Variants in NF2 observed in about 807,000 individuals in gnomAD.
NF2 encodes NF2, moesin-ezrin-radixin like (MERLIN) tumor suppressor, also known as merlin.
In NF2, 8 loss-of-function variants were observed where a neutral mutation model predicts 83.7. That is an observed-to-expected ratio of 0.10 (90% CI 0.06 to 0.17). The LOEUF (loss-of-function observed/expected upper bound fraction) is 0.17. Ranked by LOEUF, NF2 falls within the 10% of genes least tolerant of loss-of-function variation. NF2 has a pLI of 1.00. For missense variants in NF2, 533 were observed against 744.4 expected (o/e 0.72, Z 3.31); for synonymous variants, 266 against 269.6 (o/e 0.99, Z 0.13).
At chr22:29,633,506 G>T (rs1210294585) in intron 1 of NF2, among the ~76,000 whole-genome samples, 1 of 152,000 alleles carries the variant, frequency 6.6e-6, no homozygotes, top group Admixed American at 6.6e-5. Context: ...CTACTTTCTG[G>T]CCTTCTTGAT....
intron 4 of NF2, among the ~76,000 whole-genome samples, chr22:29,643,564 C>G (rs2065875508): frequency 6.6e-6 from 1 of 152,158 alleles, no homozygotes; most frequent in Admixed American, 6.5e-5. Context: ...CCATTTAACC[C>G]TGAGTGGACA....
rs2065731231 is a variant in NF2, at chr22:29,639,162, G to A, written c.313G>A (p.Ala105Thr). The change falls in exon 3 of 16, where the codon GCT becomes ACT. Residue 105 changes from alanine to threonine, a missense_variant. This residue lies in a region of NF2 where 326 missense variants were observed against 475.1 expected (regional missense o/e 0.69). Transcript: ENST00000338641. ...HFLAKFYPEN[A>T]EEELVQEITQ... The stretch of plus-strand genomic sequence containing the variant: ...CTTGGCCAAATTTTATCCTGAGAAT[G>A]CTGAAGAGGAGCTGGTTCAGGAGAT... The A allele has an allele frequency of 6.2e-7, 1 of 1,614,170 alleles. No individual in the cohort carries two copies. The highest frequency in any genetic ancestry group is 8.5e-7 in the Non-Finnish European group (1 of 1,180,010).
In NF2 at chr22:29,698,465, T is replaced by C. The variant is rs868448036; in HGVS notation, c.*3663T>C. ...GGGAAGCGCCATCCATTTTCAAAGA[T>C]GTCAAACGTCACTTCTTCCTGTAGG... On this transcript the variant is annotated 3_prime_UTR_variant, in exon 16 of 16. Transcript: ENST00000338641. 8.8e-5 allele frequency: 19 copies of C among 215,492 alleles called. No homozygotes were observed. Among genetic ancestry groups the C allele is most frequent in the African/African-American group, 3.8e-4 (17 of 44,366 alleles). 13.3% of individuals were successfully genotyped at this position (215,492 alleles called of 1,614,324 possible). A position where few individuals can be genotyped will look rare whatever the true frequency, so the allele number is the denominator to read the frequency against.
intron 1 of NF2, among the ~76,000 whole-genome samples, chr22:29,625,798 C>A (rs985972815): frequency 6.6e-6 from 1 of 152,192 alleles, no homozygotes; most frequent in African/African-American, 2.4e-5. Context: ...TTAAAGACAG[C>A]CTTTTCTCTT....
chr22:29,659,645 G>T (rs555018846), intron 7 of NF2, among the ~76,000 whole-genome samples: 26 of 152,240 alleles, frequency 1.7e-4, no homozygotes, highest in Non-Finnish European at 3.2e-4. Context: ...AGTTTAAAAG[G>T]GGCTGCTTGA....
chr22:29,629,940 A>C (rs528343392), intron 1 of NF2, among the ~76,000 whole-genome samples: 2 of 152,358 alleles, frequency 1.3e-5, no homozygotes, highest in South Asian at 4.1e-4. Flanking sequence ...AGCCAAATTC[A>C]GTTCACTTTC....
chr22:29,644,723 G>T (rs1264161065), intron 4 of NF2, among the ~76,000 whole-genome samples: 2 of 152,126 alleles, frequency 1.3e-5, no homozygotes, highest in South Asian at 4.1e-4. Flanking sequence ...GCTGGAGACC[G>T]GCCCGGCCAA....
intron 4 of NF2, among the ~76,000 whole-genome samples, chr22:29,652,958 T>C (rs1282621570): frequency 1.3e-5 from 2 of 152,200 alleles, no homozygotes; most frequent in East Asian, 1.9e-4. Context: ...TCTTCCACTG[T>C]CACTCAGGCT....
intron 9 of NF2, among the ~76,000 whole-genome samples, chr22:29,665,330 G>A (rs1024851065): frequency 5.2e-4 from 79 of 151,120 alleles, no homozygotes; most frequent in Admixed American, 2.0e-3. Context: ...TGCAACGTCC[G>A]CCTCCCAGAT....
chr22:29,605,664 G>A (rs947284180), intron 1 of NF2, among the ~76,000 whole-genome samples: 1 of 152,056 alleles, frequency 6.6e-6, no homozygotes, highest in Admixed American at 6.6e-5. Flanking sequence ...GGTCCTGAGG[G>A]CAAACAACAA....
chr22:29,637,747 T>C (rs1004623598), intron 2 of NF2, among the ~76,000 whole-genome samples: 10 of 152,128 alleles, frequency 6.6e-5, no homozygotes, highest in Non-Finnish European at 1.0e-4. Flanking sequence ...TGTGTTCACA[T>C]ATGTACACAG....
Position 29,619,965 on chromosome 22 carries a change from A to G in NF2, c.114+15853A>G, listed in dbSNP as rs1179818334. On this transcript the variant is annotated intron_variant, in intron 1 of 15. Transcript: ENST00000338641. ...ATAACAGGGACTCATTTATTCATTC[A>G]AGAGATATTATAAAATAGGCTAGGC... Among the ~76,000 whole-genome samples, 3 of 152,108 alleles carry G rather than the reference A, an allele frequency of 2.0e-5. No individual in the cohort carries two copies. In the East Asian group the frequency reaches 5.8e-4, roughly 29 times the overall value.
intron 15 of NF2, among the ~76,000 whole-genome samples, chr22:29,686,573 G>A (rs189310004): frequency 4.6e-5 from 7 of 152,234 alleles, no homozygotes; most frequent in Admixed American, 4.6e-4. Context: ...TGGGAGGTGG[G>A]GGTTGCAGTG....
chr22:29,671,119 T>A (rs1236087446), intron 10 of NF2, among the ~76,000 whole-genome samples: 3 of 152,288 alleles, frequency 2.0e-5, no homozygotes, highest in Admixed American at 2.0e-4. Flanking sequence ...TTTCTGGGGC[T>A]CTATCTGAGG....
intron 1 of NF2, among the ~76,000 whole-genome samples, chr22:29,626,439 A>C (rs1007222465): frequency 1.4e-4 from 21 of 152,148 alleles, no homozygotes; most frequent in African/African-American, 4.3e-4. Context: ...TGTGCGAGCC[A>C]CCACGCCCAG....
At chr22:29,679,827 C>G (rs1233324224) in intron 14 of NF2, among the ~76,000 whole-genome samples, 1 of 150,360 alleles carries the variant, frequency 6.7e-6, no homozygotes, top group African/African-American at 2.5e-5. Flanking sequence ...GATTGCACCA[C>G]TGCACTCCAG....
rs2067201232 is a variant in NF2 at position 29,683,521 on chromosome 22, CAGCTT to C, written c.1737+1921_1737+1925del. ...TCTCAAGACCCATGGTCACACCTGGCAGCTTCTGGTAGTGGGGCAAAAGGGTTGCT... is the reference window on the plus strand; with the variant it reads ...TCTCAAGACCCATGGTCACACCTGGCCTGGTAGTGGGGCAAAAGGGTTGCT... On this transcript the variant is annotated intron_variant, in intron 15 of 15. Coordinates refer to ENST00000338641, the MANE Select transcript of NF2 (RefSeq NM_000268.4). 4.4e-6 allele frequency: 5 copies of C among 1,124,310 alleles called. No homozygotes were observed. The South Asian group carries it at 1.7e-4, about 38-fold the overall frequency. The allele number at this position is 1,124,310 out of a possible 1,614,324, so 69.6% of individuals were successfully genotyped here.
intron 1 of NF2, among the ~76,000 whole-genome samples, chr22:29,612,574 G>A (rs2064980229): frequency 6.6e-6 from 1 of 151,574 alleles, no homozygotes; most frequent in African/African-American, 2.4e-5. Flanking sequence ...CTGACCTCAA[G>A]CAACCTCCCA....
chr22:29,612,571 C>T (rs1455443868), intron 1 of NF2, among the ~76,000 whole-genome samples: 1 of 151,720 alleles, frequency 6.6e-6, no homozygotes, highest in East Asian at 1.9e-4. Context: ...AACCTGACCT[C>T]AAGCAACCTC....
Sources: allele counts gnomAD v4.1 joint callset (sites outside exome capture counted in the v4.1 genomes callset), GRCh38; gene constraint gnomAD v4.1.1; regional missense constraint gnomAD v4.1.1; transcripts MANE v1.5; gene names NCBI Gene and HGNC (gene_info 2026-07-23, HGNC 2026-07-21).